RBM26: variants seen among roughly 807,000 people sequenced by gnomAD.
RBM26 encodes RNA binding motif protein 26.
RBM26 carries 30 observed loss-of-function variants against 123.6 expected under a neutral mutation model. The observed-to-expected ratio is 0.24, with a 90% CI of 0.18 to 0.33. The LOEUF is 0.33. Among genes scored for constraint, RBM26 ranks in the 10% least tolerant of loss-of-function variants. The pLI, the probability that RBM26 is intolerant of heterozygous loss-of-function variation, is 1.00. For synonymous variants in RBM26, 400 were observed against 404.4 expected, an observed-to-expected ratio of 0.99 and a Z score of 0.13; for missense variants, 947 against 1,203.6, an observed-to-expected ratio of 0.79 and a Z score of 3.15.
rs1417865773 is a variant in RBM26, at chr13:79,319,629, T to C, written c.*992A>G. ...TTTCTTTCATACATCCAAAATGTAA[T>C]GTGATGTTTTCTTATTCACCAAATG... On this transcript the variant is annotated 3_prime_UTR_variant, in exon 22 of 22. Coordinates refer to ENST00000438737, the MANE Select transcript of RBM26 (RefSeq NM_001366735.2). The C allele has an allele frequency of 3.0e-6, 3 of 984,192 alleles. No individual in the cohort carries two copies. Among genetic ancestry groups the C allele is most frequent in the Non-Finnish European group, 3.6e-6 (3 of 829,144 alleles). 61.0% of individuals were successfully genotyped at this position (984,192 alleles called of 1,614,324 possible).
At chr13:79,356,279 G>C (rs2073971492) in intron 11 of RBM26, among the ~76,000 whole-genome samples, 1 of 144,218 alleles carries the variant, frequency 6.9e-6, no homozygotes, top group South Asian at 2.2e-4. Flanking sequence ...TGAGGCAGGA[G>C]AATCACCTAA....
At chr13:79,335,148 C>G (rs2138877419) in intron 19 of RBM26, among the ~76,000 whole-genome samples, 1 of 152,058 alleles carries the variant, frequency 6.6e-6, no homozygotes, top group East Asian at 1.9e-4. Context: ...ATTATCCCCC[C>G]CAAAAATTAT....
chr13:79,333,763 A>G (rs1454768214), intron 20 of RBM26, among the ~76,000 whole-genome samples: 2 of 152,182 alleles, frequency 1.3e-5, no homozygotes, highest in Non-Finnish European at 2.9e-5. Context: ...CAGTCCTTGG[A>G]AAGACAATTC....
chr13:79,372,585 A>G (rs1166690519), intron 3 of RBM26, among the ~76,000 whole-genome samples: 1 of 150,120 alleles, frequency 6.7e-6, no homozygotes, highest in Non-Finnish European at 1.5e-5. Flanking sequence ...ACATATATTC[A>G]TGTTTTGGTT....
In RBM26 at chr13:79,334,426, T is replaced by C; in HGVS notation, c.2738A>G (p.Tyr913Cys). ...AATCTGACAATCTTCAATTTCACCA[T>C]ATTGCTTTAAATTAAAAAAAAAGTA... ...REDLLPHFAQ[Y>C]GEIEDCQIDD... The change falls in exon 20 of 22, where the codon TAT (tyrosine) becomes TGT (cysteine). Residue 913 changes from tyrosine to cysteine, a missense_variant. Tyr to Cys is a radical substitution (Grantham distance 194). Transcript: ENST00000438737. The C allele has an allele frequency of 1.3e-6, 2 of 1,527,976 alleles. No homozygotes were observed. The highest frequency in any genetic ancestry group is 8.9e-7 in the Non-Finnish European group (1 of 1,125,038). 94.7% of individuals were successfully genotyped at this position (1,527,976 alleles called of 1,614,324 possible).
intron 1 of RBM26, among the ~76,000 whole-genome samples, chr13:79,396,427 G>A (rs1026699365): frequency 1.3e-5 from 2 of 152,136 alleles, no homozygotes. Flanking sequence ...AAAGGGGAAA[G>A]GAAGCATCAC....
rs1179867110 is a variant in RBM26, at chr13:79,370,931, A to G, written c.634+14T>C. ...GAGTTTTTCATAAAAAGATAACCAA[A>G]ATATATTATTTACCCCTGCTTCGTG... On this transcript the variant is annotated intron_variant, in intron 5 of 21. Coordinates refer to ENST00000438737, the MANE Select transcript of RBM26 (RefSeq NM_001366735.2). 6.3e-7 allele frequency: 1 copy of G among 1,586,904 alleles called. No individual in the cohort carries two copies. Among genetic ancestry groups the G allele is most frequent in the Non-Finnish European group, 8.6e-7 (1 of 1,159,802 alleles).
chr13:79,393,301 A>C (rs1365445349), intron 1 of RBM26, among the ~76,000 whole-genome samples: 2 of 152,168 alleles, frequency 1.3e-5, no homozygotes, highest in Non-Finnish European at 2.9e-5. Context: ...GCAATTCAAA[A>C]ACCTGGAACC....
At chr13:79,404,635 G>A (rs2079357745) in intron 1 of RBM26, among the ~76,000 whole-genome samples, 1 of 151,968 alleles carries the variant, frequency 6.6e-6, no homozygotes, top group South Asian at 2.1e-4. Context: ...TCTGCTACAG[G>A]GCCTTTCATT....
At chr13:79,317,834 T>C (rs1048875902), downstream of RBM26, among the ~76,000 whole-genome samples, 6 of 151,612 alleles carry the variant, frequency 4.0e-5, no homozygotes, top group Admixed American at 6.6e-5. Context: ...TTTTGGAAAA[T>C]TGATAAGAAT....
intron 20 of RBM26, among the ~76,000 whole-genome samples, chr13:79,328,363 T>C (rs915504071): frequency 1.3e-5 from 2 of 151,916 alleles, no homozygotes; most frequent in African/African-American, 2.4e-5. Context: ...ATATTTCACA[T>C]AAGCCTGGAA....
intron 9 of RBM26, among the ~76,000 whole-genome samples, chr13:79,361,412 ATC>A (rs953121426): frequency 6.6e-6 from 1 of 152,140 alleles, no homozygotes; most frequent in Non-Finnish European, 1.5e-5. Context: ...TAGCAACAAC[ATC>A]TCTCTCCATA....
intron 1 of RBM26, among the ~76,000 whole-genome samples, chr13:79,385,497 T>C (rs7336186): frequency 0.48 from 73,147 of 151,938 alleles, 18,153 homozygotes; most frequent in East Asian, 0.72. Flanking sequence ...AGTTCTTTTA[T>C]TCCCCCACAT....
intron 20 of RBM26, among the ~76,000 whole-genome samples, chr13:79,333,281 C>T (rs919050044): frequency 1.3e-5 from 2 of 152,112 alleles, no homozygotes; most frequent in Non-Finnish European, 2.9e-5. Flanking sequence ...AGAGAACACC[C>T]TAAGATCAGG....
intron 11 of RBM26, 21 bp downstream of exon 11, chr13:79,358,253 A>C: frequency 6.4e-7 from 1 of 1,561,424 alleles, no homozygotes; most frequent in Non-Finnish European, 8.6e-7. Context: ...AGAGATAACA[A>C]AACCATTTCA....
At chr13:79,332,161 T>C (rs1025041981) in intron 20 of RBM26, among the ~76,000 whole-genome samples, 4 of 152,214 alleles carry the variant, frequency 2.6e-5, no homozygotes, top group African/African-American at 9.7e-5. Context: ...AAGAACAATG[T>C]AATGTTTGAC....
intron 20 of RBM26, among the ~76,000 whole-genome samples, chr13:79,330,318 G>T (rs2069098448): frequency 6.6e-6 from 1 of 152,204 alleles, no homozygotes; most frequent in Non-Finnish European, 1.5e-5. Flanking sequence ...ACTATGAAAA[G>T]TAATTGTGGA....
At chr13:79,398,440 T>C (rs1468548427) in intron 1 of RBM26, among the ~76,000 whole-genome samples, 1 of 152,156 alleles carries the variant, frequency 6.6e-6, no homozygotes, top group Non-Finnish European at 1.5e-5. Flanking sequence ...AGCATTCAGA[T>C]GGAAAGGCCA....
chr13:79,342,848 A>G lies in RBM26; in HGVS notation c.2260-17T>C. The G allele has an allele frequency of 1.3e-6, 2 of 1,520,018 alleles. No homozygotes were observed. Among genetic ancestry groups the G allele is most frequent in the Non-Finnish European group, 1.8e-6 (2 of 1,113,306 alleles). 94.2% of individuals were successfully genotyped at this position (1,520,018 alleles called of 1,614,324 possible). A position where few individuals can be genotyped will look rare whatever the true frequency, so the allele number is the denominator to read the frequency against. ...AATTAACATCTGCCAAATTTTTAAA[A>G]AGAGAAAAATAAAGCTAATTACTCC... On this transcript the variant is annotated splice_polypyrimidine_tract_variant and intron_variant, in intron 16 of 21. Transcript: ENST00000438737.
Sources: gnomAD v4.1 joint callset for allele counts (sites outside exome capture counted in the v4.1 genomes callset) on GRCh38, gnomAD v4.1.1 for gene constraint, MANE v1.5 for transcripts, NCBI Gene and HGNC (gene_info 2026-07-23, HGNC 2026-07-21) for gene names.